SRL: variants seen among roughly 807,000 people sequenced by gnomAD.
SRL encodes the protein sarcalumenin.
SRL carries 23 observed loss-of-function variants against 39.5 expected under a neutral mutation model. The ratio of observed to expected loss-of-function variants is 0.58; its 90% confidence interval spans 0.42 to 0.82. SRL has a LOEUF of 0.82. Among genes scored for constraint, SRL ranks in the 40% least tolerant of loss-of-function variants. The pLI is 0.00. For synonymous variants in SRL, 272 were observed against 237.4 expected, an observed-to-expected ratio of 1.15 and a Z score of -1.34; for missense variants, 592 against 607.8, an observed-to-expected ratio of 0.97 and a Z score of 0.27.
chr16:4,230,995 T>G (rs141414413), intron 1 of SRL, among the ~76,000 whole-genome samples: 48 of 152,242 alleles, frequency 3.2e-4, no homozygotes, highest in Non-Finnish European at 6.0e-4. Flanking sequence ...TTTCAGACTT[T>G]TGGGCTCCAG....
Position 4,192,805 on chromosome 16 carries a change from G to C in SRL, c.770C>G (p.Ala257Gly). 1.9e-6 allele frequency: 3 copies of C among 1,614,230 alleles called. No homozygotes were observed. The highest frequency in any genetic ancestry group is 1.3e-5 in the African/African-American group (1 of 75,050). Residue 257 changes from alanine to glycine, a missense_variant, in exon 6 of 6, where the codon GCT becomes GGT. Ala to Gly is a moderately conservative substitution (Grantham distance 60). Transcript: ENST00000399609. The surrounding 1 kb of genome is among the most constrained non-coding windows in gnomAD (Gnocchi z 4.0). ...ESQIRIILNKADNLATQMLMR... is the reference protein window; with the variant it reads ...ESQIRIILNKGDNLATQMLMR... ...GAGCATTTGGGTGGCCAGATTGTCAGCCTTGTTCAGGATGATCCTTATCTG... is the reference window on the plus strand; with the variant it reads ...GAGCATTTGGGTGGCCAGATTGTCACCCTTGTTCAGGATGATCCTTATCTG...
Position 4,190,720 on chromosome 16 carries a change from C to A in SRL, c.*1433G>T. On this transcript the variant is annotated 3_prime_UTR_variant, in exon 6 of 6. Transcript: ENST00000399609. ...CGGTGTGTTCAGTGGACATCTGCAT[C>A]AAGGTCAGGCGGGAAGGTCAATGTT... 2.7e-6 allele frequency: 1 copy of A among 366,506 alleles called. No homozygotes were observed. The allele number at this position is 366,506 out of a possible 1,614,324, so 22.7% of individuals were successfully genotyped here.
intron 1 of SRL, among the ~76,000 whole-genome samples, chr16:4,222,386 T>A (rs1268185933): frequency 1.3e-5 from 2 of 152,206 alleles, no homozygotes; most frequent in African/African-American, 4.8e-5. Context: ...GTGATTCTCC[T>A]GCCTCAGCCT....
At chr16:4,228,113 C>T (rs779145150) in intron 1 of SRL, among the ~76,000 whole-genome samples, 17 of 152,310 alleles carry the variant, frequency 1.1e-4, no homozygotes, top group Admixed American at 2.6e-4. Context: ...ATTCCTGGAC[C>T]GGGCCTCCCT....
chr16:4,203,142 C>G, intron 3 of SRL, 24 bp downstream of exon 3: 1 of 1,603,920 alleles, frequency 6.2e-7, no homozygotes, highest in Non-Finnish European at 8.5e-7. Flanking sequence ...AATCTCAAGC[C>G]CTACCTGTTA....
In SRL at chr16:4,204,574, G is replaced by C. The variant is rs1436914743; in HGVS notation, c.122C>G (p.Thr41Ser). The part of the protein sequence containing the change: ...PLRDRSHIEK[T>S]LMLNEDKPSD... ...TGGCTTGTCCTCATTCAGCATGAGG[G>C]TCTTCTCGATGTGGGAGCGGTCCCT... The change falls in exon 2 of 6, where the codon ACC (threonine) becomes AGC (serine). Residue 41 changes from threonine (T) to serine (S), a missense_variant. Thr to Ser is a moderately conservative substitution (Grantham distance 58, BLOSUM62 1). Coordinates refer to ENST00000399609, the MANE Select transcript of SRL (RefSeq NM_001098814.2). 18 of 1,614,208 alleles carry C rather than the reference G, an allele frequency of 1.1e-5. No homozygotes were observed. Among genetic ancestry groups the C allele is most frequent in the Non-Finnish European group, 1.5e-5 (18 of 1,180,036 alleles).
chr16:4,228,436 G>C (rs571179730), intron 1 of SRL, among the ~76,000 whole-genome samples: 6 of 150,584 alleles, frequency 4.0e-5, no homozygotes, highest in African/African-American at 1.2e-4. Context: ...ACTCCACCTT[G>C]AAACAAACAA....
chr16:4,192,402 G>T lies in SRL; in HGVS notation c.1173C>A (p.Ser391Arg), dbSNP rs1174107287. 2 of 1,614,196 alleles carry T rather than the reference G, an allele frequency of 1.2e-6. No individual in the cohort carries two copies. Among genetic ancestry groups the T allele is most frequent in the Non-Finnish European group, 1.7e-6 (2 of 1,180,036 alleles). ...FKTILAKTNV[S>R]KFDLPNREAY... ...CCTCGCGGTTGGGAAGGTCAAATTT[G>T]CTGACATTGGTCTTTGCCAGGATGG... The change falls in exon 6 of 6, where the codon AGC becomes AGA. Residue 391 changes from serine (S) to arginine (R), a missense_variant. Ser to Arg is a moderately radical substitution (Grantham distance 110, BLOSUM62 -1). Coordinates refer to ENST00000399609, the MANE Select transcript of SRL (RefSeq NM_001098814.2). This position sits in a 1 kb window ranked among gnomAD's most constrained non-coding sequence, Gnocchi z 4.0.
rs561272500 is a variant in SRL at position 4,216,695 on chromosome 16, G to A, written c.62-12061C>T. Among the ~76,000 whole-genome samples the A allele has an allele frequency of 1.5e-3, 231 of 152,268 alleles. 1 individual carries two copies. The highest frequency in any genetic ancestry group is 5.1e-3 in the African/African-American group (213 of 41,550). ...CACTCAGTTTTTCCAGAGATCAGCC[G>A]TGCCTGCAGTGAACAGAAATCCTTG... On this transcript the variant is annotated intron_variant, in intron 1 of 5. Coordinates refer to ENST00000399609, the MANE Select transcript of SRL (RefSeq NM_001098814.2).
At position 4,192,304 on chromosome 16, in the gene SRL, C is replaced by A. The variant is rs766244790; in HGVS notation, c.1271G>T (p.Gly424Val). Residue 424 changes from glycine (G) to valine (V), a missense_variant, in exon 6 of 6, where the codon GGA becomes GTA. Gly to Val is a moderately radical substitution (Grantham distance 109). Coordinates refer to ENST00000399609, the MANE Select transcript of SRL (RefSeq NM_001098814.2). This position sits in a 1 kb window ranked among gnomAD's most constrained non-coding sequence, Gnocchi z 4.0. ...KLLSQQCSYM[G>V]GCFLEKIERA... ...CTCAATCTTCTCCAGAAAGCAACCTCCCATGTAGGAGCACTGCTGGGAGAG... is the reference window on the plus strand; with the variant it reads ...CTCAATCTTCTCCAGAAAGCAACCTACCATGTAGGAGCACTGCTGGGAGAG... 1.2e-6 allele frequency: 2 copies of A among 1,614,178 alleles called. No individual in the cohort carries two copies.
intron 1 of SRL, among the ~76,000 whole-genome samples, chr16:4,209,313 A>C (rs1294182348): frequency 6.6e-6 from 1 of 151,336 alleles, no homozygotes; most frequent in Non-Finnish European, 1.5e-5. Flanking sequence ...CATTAGGCCC[A>C]CCCCTCTGCC....
chr16:4,231,145 GTC>G (rs761428139), intron 1 of SRL, among the ~76,000 whole-genome samples: 2 of 152,102 alleles, frequency 1.3e-5, no homozygotes, highest in African/African-American at 2.4e-5. Context: ...CGAGAGCCCT[GTC>G]TCTACAAAAA....
At chr16:4,220,740 T>C (rs2052518436) in intron 1 of SRL, among the ~76,000 whole-genome samples, 1 of 152,028 alleles carries the variant, frequency 6.6e-6, no homozygotes, top group South Asian at 2.1e-4. Context: ...AACACTGAAA[T>C]AACTCTGGGT....
rs1017763742 is a variant in SRL at position 4,192,937 on chromosome 16, C to T, written c.638G>A (p.Trp213Ter). 6.2e-7 allele frequency: 1 copy of T among 1,612,436 alleles called. No homozygotes were observed. The highest frequency in any genetic ancestry group is 8.5e-7 in the Non-Finnish European group (1 of 1,179,330). Residue 213 changes from tryptophan to a stop codon, truncating the protein, a stop_gained, in exon 6 of 6, where the codon TGG (tryptophan) becomes TAG (stop). Transcript: ENST00000399609. LOFTEE classifies it high-confidence loss of function. The surrounding 1 kb of genome is among the most constrained non-coding windows in gnomAD (Gnocchi z 4.0). ...RGYPFNDVCQ[W>*]FIDRADLIFV... ...GATGAGGTCAGCTCTGTCGATGAAC[C>T]ACTGGCACACGTCGTTGAAGGGGTA...
chr16:4,219,934 G>C (rs1287526661), intron 1 of SRL, among the ~76,000 whole-genome samples: 1 of 152,034 alleles, frequency 6.6e-6, no homozygotes, highest in African/African-American at 2.4e-5. Flanking sequence ...TTAGCTATCT[G>C]AGTTCAAGGT....
intron 3 of SRL, 22 bp from the exon 4 acceptor site, chr16:4,197,937 A>G (rs2141025571): frequency 2.0e-6 from 3 of 1,525,850 alleles, no homozygotes; most frequent in Non-Finnish European, 2.7e-6. Flanking sequence ...AGGAAGTAGA[A>G]ATGGAATAAA....
rs191606548 is a variant in SRL, at chr16:4,228,360, C to T, written c.61+13647G>A. Among the ~76,000 whole-genome samples the T allele has an allele frequency of 7.9e-3, 1,207 of 152,252 alleles. 9 individuals carry two copies. The highest frequency in any genetic ancestry group is 0.013 in the Non-Finnish European group (914 of 68,010). ...GCTGAGGCAGAGAACTGCTTGAACC[C>T]GGGAGGTGGAGGTTGCAGTGAGCCG... On this transcript the variant is annotated intron_variant, in intron 1 of 5. Coordinates refer to ENST00000399609, the MANE Select transcript of SRL (RefSeq NM_001098814.2).
intron 1 of SRL, among the ~76,000 whole-genome samples, chr16:4,211,451 G>A (rs1161406860): frequency 2.4e-5 from 3 of 124,630 alleles, no homozygotes; most frequent in Admixed American, 8.6e-5. Flanking sequence ...GATGAGGATC[G>A]TGATGATGAT....
chr16:4,200,626 C>T (rs1267872464), intron 3 of SRL, among the ~76,000 whole-genome samples: 1 of 152,186 alleles, frequency 6.6e-6, no homozygotes, highest in Admixed American at 6.5e-5. Context: ...GACTCCGGGT[C>T]TTAGGGCCAA....
Sources: gnomAD v4.1 joint callset for allele counts (sites outside exome capture counted in the v4.1 genomes callset) on GRCh38, gnomAD v4.1.1 for gene constraint, Gnocchi (gnomAD v3.1) non-coding constraint, MANE v1.5 for transcripts, NCBI Gene and HGNC (gene_info 2026-07-23, HGNC 2026-07-21) for gene names.